The following NIBAN1 variants were observed in gnomAD, a reference collection of about 807,000 sequenced individuals.
NIBAN1 encodes niban apoptosis regulator 1, also known as protein Niban 1.
In NIBAN1, 81 loss-of-function variants were observed where a neutral mutation model predicts 75.1. The ratio of observed to expected loss-of-function variants is 1.08; its 90% CI spans 0.90 to 1.30. The LOEUF (loss-of-function observed/expected upper bound fraction) is 1.30. Among genes scored for constraint, NIBAN1 ranks in the 50% most tolerant of loss-of-function variants. NIBAN1 has a pLI of 0.00. For missense variants in NIBAN1, 1,133 were observed against 1,128.1 expected, an observed-to-expected ratio of 1.00 and a Z score of -0.06; for synonymous variants, 436 against 424.8, an observed-to-expected ratio of 1.03 and a Z score of -0.32.
chr1:184,826,510 T>G (rs1654844996), intron 6 of NIBAN1, among the ~76,000 whole-genome samples: 1 of 152,172 alleles, frequency 6.6e-6, no homozygotes, highest in Non-Finnish European at 1.5e-5. Flanking sequence ...GGAACACATC[T>G]GCCGAAAGTG....
chr1:184,871,497 C>G (rs1378214629), intron 5 of NIBAN1, among the ~76,000 whole-genome samples: 1 of 152,040 alleles, frequency 6.6e-6, no homozygotes, highest in Non-Finnish European at 1.5e-5. Flanking sequence ...TCTCATTGCC[C>G]TCAGAAGGAA....
At position 184,791,959 on chromosome 1, in the gene NIBAN1, CTT is replaced by C. The variant is rs11338849; in HGVS notation, c.*3016_*3017del. ...CAATCATCCTGCTTATTCTAGAAAA[CTT>C]TTTTTTTTTTTTTGAGACAGGGTCT... On this transcript the variant is annotated 3_prime_UTR_variant, in exon 14 of 14. Transcript: ENST00000367511. The C allele has an allele frequency of 0.52, 76,532 of 145,900 alleles. 20,352 individuals carry two copies. The highest frequency in any genetic ancestry group is 0.68 in the African/African-American group (26,991 of 39,528). The allele number at this position is 145,900 out of a possible 1,614,324, so 9.0% of individuals were successfully genotyped here. A position where few individuals can be genotyped will look rare whatever the true frequency, so the allele number is the denominator to read the frequency against.
chr1:184,861,536 G>C lies in NIBAN1; in HGVS notation c.601+23097C>G, dbSNP rs375321714. 4.7e-5 allele frequency among the ~76,000 whole-genome samples: 7 copies of C among 150,036 alleles called. No homozygotes were observed. In the East Asian group the frequency reaches 1.2e-3, roughly 25 times the overall value. ...GGAAGGGGGGAAGAGGAGGGAGGAAGGGAGGAAGGGAGGGAGGAAGGGAAA... is the reference window on the plus strand; with the variant it reads ...GGAAGGGGGGAAGAGGAGGGAGGAACGGAGGAAGGGAGGGAGGAAGGGAAA... On this transcript the variant is annotated intron_variant, in intron 5 of 13. Coordinates refer to ENST00000367511, the MANE Select transcript of NIBAN1 (RefSeq NM_052966.4).
chr1:184,957,145 G>T (rs1658511108), intron 1 of NIBAN1, among the ~76,000 whole-genome samples: 2 of 152,236 alleles, frequency 1.3e-5, no homozygotes, highest in South Asian at 4.1e-4. Context: ...GTTAGGAAAA[G>T]ATGCCTGGAT....
In NIBAN1 at chr1:184,884,815, A is replaced by G; in HGVS notation, c.434-15T>C. 1 of 1,612,326 alleles carries G rather than the reference A, an allele frequency of 6.2e-7. No individual in the cohort carries two copies. Among genetic ancestry groups the G allele is most frequent in the Non-Finnish European group, 8.5e-7 (1 of 1,179,140 alleles). On this transcript the variant is annotated splice_polypyrimidine_tract_variant and intron_variant, in intron 4 of 13. Coordinates refer to ENST00000367511, the MANE Select transcript of NIBAN1 (RefSeq NM_052966.4). ...CTCACTGGAGGCTAAAGAAATATTG[A>G]AAACACAAATACCTTTTAAAACATG...
intron 5 of NIBAN1, among the ~76,000 whole-genome samples, chr1:184,878,068 A>C (rs914970879): frequency 3.3e-5 from 5 of 152,304 alleles, no homozygotes; most frequent in African/African-American, 9.6e-5. Context: ...ATGGGGTGGA[A>C]GTCTGTGATT....
chr1:184,877,431 C>T (rs1191327906), intron 5 of NIBAN1, among the ~76,000 whole-genome samples: 1 of 152,010 alleles, frequency 6.6e-6, no homozygotes, highest in Non-Finnish European at 1.5e-5. Flanking sequence ...GTTCTTTATA[C>T]TCTATACATA....
intron 13 of NIBAN1, among the ~76,000 whole-genome samples, chr1:184,797,512 A>T (rs1256444209): frequency 2.0e-5 from 3 of 149,652 alleles, no homozygotes; most frequent in South Asian, 4.3e-4. Flanking sequence ...ATTCCTGAGG[A>T]TACTGGATGC....
chr1:184,827,804 G>A (rs71634115), intron 6 of NIBAN1, among the ~76,000 whole-genome samples: 5,084 of 151,942 alleles, frequency 0.033, 118 homozygotes, highest in Non-Finnish European at 0.057. Context: ...AGCAGGCCCC[G>A]CAGTCTCACC....
At chr1:184,822,301 T>C (rs1433325285) in intron 8 of NIBAN1, among the ~76,000 whole-genome samples, 2 of 152,214 alleles carry the variant, frequency 1.3e-5, no homozygotes, top group African/African-American at 4.8e-5. Context: ...TAGGATTCCT[T>C]AGAGGCCATC....
In NIBAN1 at chr1:184,890,250, A is replaced by C. The variant is rs748547721; in HGVS notation, c.319-28T>G. ...GGGGAGGGAAAGGCACACAGGAATG[A>C]TATCTTTTTCCCCATTTGATTTTTG... On this transcript the variant is annotated intron_variant, in intron 3 of 13. Transcript: ENST00000367511. 2.6e-6 allele frequency: 4 copies of C among 1,535,126 alleles called. No individual in the cohort carries two copies. The East Asian group carries it at 9.0e-5, about 35-fold the overall frequency.
intron 1 of NIBAN1, among the ~76,000 whole-genome samples, chr1:184,926,609 TTTAA>T (rs1239345136): frequency 6.6e-6 from 1 of 152,166 alleles, no homozygotes; most frequent in Non-Finnish European, 1.5e-5. Context: ...ACTATCAGAG[TTTAA>T]TTATTGGATG....
At chr1:184,936,667 A>G (rs890141587) in intron 1 of NIBAN1, among the ~76,000 whole-genome samples, 20 of 152,008 alleles carry the variant, frequency 1.3e-4, no homozygotes, top group African/African-American at 4.6e-4. Flanking sequence ...GCATCACTCC[A>G]TATTGCTTCA....
chr1:184,845,522 AG>A (rs936760279), intron 5 of NIBAN1, among the ~76,000 whole-genome samples: 1 of 152,190 alleles, frequency 6.6e-6, no homozygotes, highest in African/African-American at 2.4e-5. Context: ...ATACTTTGGG[AG>A]GCCAAGGAGG....
intron 2 of NIBAN1, 94 bp from the exon 3 acceptor site, chr1:184,894,300 G>C: frequency 7.6e-7 from 1 of 1,313,464 alleles, no homozygotes; most frequent in South Asian, 1.7e-5. Context: ...AATAGTTTAG[G>C]AAACTATCTT....
intron 1 of NIBAN1, among the ~76,000 whole-genome samples, chr1:184,956,714 A>C (rs774717444): frequency 6.6e-6 from 1 of 152,148 alleles, no homozygotes; most frequent in Non-Finnish European, 1.5e-5. Flanking sequence ...CATCCTCTCT[A>C]TATTTTTTTC....
At chr1:184,927,578 C>T (rs1399315949) in intron 1 of NIBAN1, among the ~76,000 whole-genome samples, 1 of 152,152 alleles carries the variant, frequency 6.6e-6, no homozygotes. Context: ...ACCACCACCA[C>T]TGGGACTATA....
Position 184,803,656 on chromosome 1 carries a change from T to C in NIBAN1, c.1483A>G (p.Ile495Val). The C allele has an allele frequency of 6.2e-7, 1 of 1,614,228 alleles. No homozygotes were observed. Among genetic ancestry groups the C allele is most frequent in the Non-Finnish European group, 8.5e-7 (1 of 1,180,022 alleles). Residue 495 changes from isoleucine to valine, a missense_variant, in exon 12 of 14, where the codon ATA becomes GTA. Coordinates refer to ENST00000367511, the MANE Select transcript of NIBAN1 (RefSeq NM_052966.4). ...ATTTGAACTAGTGCCTCTTGAAATA[T>C]CTTCTTTCGGATGGTGCTGCTGTCA... ...DYDSSTIRKK[I>V]FQEALVQITL...
intron 5 of NIBAN1, among the ~76,000 whole-genome samples, chr1:184,879,315 C>A (rs897673549): frequency 6.6e-6 from 1 of 152,094 alleles, no homozygotes; most frequent in East Asian, 1.9e-4. Context: ...TTAGTTTGTA[C>A]TAAAGTGCCC....
Sources: gnomAD v4.1 joint callset for allele counts (sites outside exome capture counted in the v4.1 genomes callset) on GRCh38, gnomAD v4.1.1 for gene constraint, MANE v1.5 for transcripts, NCBI Gene and HGNC (gene_info 2026-07-23, HGNC 2026-07-21) for gene names.